Variants in RBFOX1 observed in about 807,000 individuals in gnomAD.
RBFOX1 encodes the protein RNA binding fox-1 homolog 1.
A neutral mutation model predicts 57.7 loss-of-function variants in RBFOX1; 8 were observed. The ratio of observed to expected loss-of-function variants is 0.14; its 90% CI spans 0.08 to 0.25. The LOEUF (loss-of-function observed/expected upper bound fraction) is 0.25. Ranked by LOEUF, RBFOX1 falls within the 10% of genes least tolerant of loss-of-function variation. RBFOX1 has a pLI of 1.00. For missense variants in RBFOX1, 611 were observed against 548.5 expected (o/e 1.11, Z -1.14); for synonymous variants, 326 against 222.4 (o/e 1.47, Z -4.15).
chr16:7,151,143 T>C (rs1252907783), intron 4 of RBFOX1, among the ~76,000 whole-genome samples: 1 of 152,130 alleles, frequency 6.6e-6, no homozygotes, highest in Non-Finnish European at 1.5e-5. Flanking sequence ...TGTAAACTTA[T>C]CCCAAAAGAA....
chr16:7,540,729 T>TA (rs1411688781), intron 5 of RBFOX1, among the ~76,000 whole-genome samples: 1 of 152,184 alleles, frequency 6.6e-6, no homozygotes, highest in Non-Finnish European at 1.5e-5. Context: ...GATCAATAAT[T>TA]AAACACCTAT....
intron 3 of RBFOX1, among the ~76,000 whole-genome samples, chr16:6,892,163 C>T (rs1264575288): frequency 1.3e-5 from 2 of 152,086 alleles, no homozygotes; most frequent in African/African-American, 4.8e-5. Context: ...CTCTTTGCAC[C>T]CCTTCCCTTG....
intron 1 of RBFOX1, among the ~76,000 whole-genome samples, chr16:6,207,533 C>A (rs191725469): frequency 1.3e-5 from 2 of 152,124 alleles, no homozygotes; most frequent in East Asian, 3.9e-4. Context: ...AGAAGAGATT[C>A]AAGGAGAACT....
At chr16:6,797,389 AGAGAGAGC>A (rs1567287877) in intron 3 of RBFOX1, among the ~76,000 whole-genome samples, 1 of 150,886 alleles carries the variant, frequency 6.6e-6, no homozygotes, top group African/African-American at 2.5e-5. Context: ...GGTGGTCGAA[AGAGAGAGC>A]GAGAGAAAGG....
intron 2 of RBFOX1, among the ~76,000 whole-genome samples, chr16:6,379,201 A>T (rs1271098149): frequency 6.6e-6 from 1 of 152,076 alleles, no homozygotes; most frequent in Non-Finnish European, 1.5e-5. Context: ...CCTGTAGAAG[A>T]CCCAGCTGAG....
At chr16:6,395,265 A>G (rs1369756162) in intron 2 of RBFOX1, among the ~76,000 whole-genome samples, 1 of 152,230 alleles carries the variant, frequency 6.6e-6, no homozygotes, top group Non-Finnish European at 1.5e-5. Context: ...TTTTTGTCAT[A>G]GACGTGGTGG....
At chr16:5,844,598 G>C (rs1431792172) in intron 3 of RBFOX1, among the ~76,000 whole-genome samples, 2 of 152,150 alleles carry the variant, frequency 1.3e-5, no homozygotes, top group South Asian at 4.1e-4. Flanking sequence ...AAGGGAAAAA[G>C]GAAGGGGGAA....
intron 3 of RBFOX1, among the ~76,000 whole-genome samples, chr16:7,043,044 C>G (rs1044660319): frequency 2.7e-5 from 4 of 146,040 alleles, no homozygotes; most frequent in Non-Finnish European, 6.0e-5. Context: ...TCCTCCACCC[C>G]CCACAATCTC....
At chr16:7,404,826 C>G (rs919505893) in intron 4 of RBFOX1, among the ~76,000 whole-genome samples, 4 of 152,150 alleles carry the variant, frequency 2.6e-5, no homozygotes, top group Admixed American at 1.3e-4. Context: ...GACGCAGAAA[C>G]AGATGTGGGC....
intron 4 of RBFOX1, among the ~76,000 whole-genome samples, chr16:7,510,611 C>G (rs1361007228): frequency 1.3e-5 from 2 of 152,108 alleles, no homozygotes; most frequent in Non-Finnish European, 2.9e-5. Context: ...CATTTTTCTT[C>G]TTTGTTTGAA....
At chr16:7,225,970 G>A (rs1006712142) in intron 4 of RBFOX1, among the ~76,000 whole-genome samples, 1 of 150,840 alleles carries the variant, frequency 6.6e-6, no homozygotes, top group East Asian at 1.9e-4. Context: ...GCTGAATCAA[G>A]GTGACCAAAT....
chr16:7,396,844 G>C (rs2098146988), intron 4 of RBFOX1, among the ~76,000 whole-genome samples: 1 of 152,154 alleles, frequency 6.6e-6, no homozygotes, highest in African/African-American at 2.4e-5. Context: ...TGGAGGCTGA[G>C]GCATGGGAAT....
rs144607891 is a variant in RBFOX1 at position 7,106,411 on chromosome 16, T to A, written c.27+54313T>A. On this transcript the variant is annotated intron_variant, in intron 4 of 15. Transcript: ENST00000550418. Reference sequence around the variant, plus strand: ...TATTTTACAGCTCTTTATTCTTCATTTTGTATTTCTTGTGTTAAACAGAGA... The same window carrying A: ...TATTTTACAGCTCTTTATTCTTCATATTGTATTTCTTGTGTTAAACAGAGA... Among the ~76,000 whole-genome samples the A allele has an allele frequency of 9.9e-5, 15 of 152,270 alleles. No homozygotes were observed. In the East Asian group the frequency reaches 2.9e-3, roughly 29 times the overall value.
At chr16:6,922,037 G>T (rs1314491057) in intron 3 of RBFOX1, among the ~76,000 whole-genome samples, 1 of 152,146 alleles carries the variant, frequency 6.6e-6, no homozygotes, top group Non-Finnish European at 1.5e-5. Flanking sequence ...TATAACTGCT[G>T]TTACCAACTG....
intron 3 of RBFOX1, among the ~76,000 whole-genome samples, chr16:6,768,848 C>T (rs1449033080): frequency 2.0e-5 from 3 of 151,648 alleles, no homozygotes; most frequent in African/African-American, 7.3e-5. Flanking sequence ...TCTGCCTCAG[C>T]CTCCCGAGTA....
At chr16:5,493,298 C>T (rs528210831) in intron 2 of RBFOX1, among the ~76,000 whole-genome samples, 3 of 152,110 alleles carry the variant, frequency 2.0e-5, no homozygotes, top group African/African-American at 7.2e-5. Context: ...TTTTGAACTC[C>T]TGGCCTCAAG....
chr16:5,952,784 G>C (rs1328963536), intron 4 of RBFOX1, among the ~76,000 whole-genome samples: 1 of 152,104 alleles, frequency 6.6e-6, no homozygotes, highest in Non-Finnish European at 1.5e-5. Flanking sequence ...GTGCACACCT[G>C]GGAGAGTTTC....
chr16:5,922,186 T>G (rs1184128278), intron 4 of RBFOX1, among the ~76,000 whole-genome samples: 2 of 151,966 alleles, frequency 1.3e-5, no homozygotes, highest in East Asian at 3.9e-4. Flanking sequence ...CCCCAAACCC[T>G]AGCTCTCTAT....
intron 4 of RBFOX1, among the ~76,000 whole-genome samples, chr16:7,227,964 T>G: frequency 6.6e-6 from 1 of 152,188 alleles, no homozygotes; most frequent in Non-Finnish European, 1.5e-5. Flanking sequence ...GGCCACCCTG[T>G]GCTCTGTAGG....
Sources: gnomAD v4.1 joint callset for allele counts (sites outside exome capture counted in the v4.1 genomes callset) on GRCh38, gnomAD v4.1.1 for gene constraint, MANE v1.5 for transcripts, NCBI Gene and HGNC (gene_info 2026-07-23, HGNC 2026-07-21) for gene names.